The following PDIA6 variants were observed in gnomAD, a reference collection of about 807,000 sequenced individuals.
PDIA6 encodes protein disulfide isomerase family A member 6, also known as protein disulfide-isomerase A6.
Under a neutral mutation model 58.4 loss-of-function variants are expected in PDIA6, and 29 were observed. The ratio of observed to expected loss-of-function variants is 0.50; its 90% CI spans 0.37 to 0.68. PDIA6 has a LOEUF of 0.68. PDIA6 is among the 30% of genes least tolerant of loss of function. The pLI, the probability that PDIA6 is intolerant of heterozygous loss-of-function variation, is 0.00. For missense variants in PDIA6, 480 were observed against 551.0 expected, an observed-to-expected ratio of 0.87 and a Z score of 1.29; for synonymous variants, 192 against 202.6, an observed-to-expected ratio of 0.95 and a Z score of 0.44.
chr2:10,836,182 C>T (rs907462969), upstream of PDIA6, among the ~76,000 whole-genome samples: 4 of 152,138 alleles, frequency 2.6e-5, no homozygotes, highest in Non-Finnish European at 2.9e-5. Context: ...CCTACTTTTC[C>T]GAGGGTCTTT....
In PDIA6 at chr2:10,784,025, T is replaced by C. The variant is rs1665567650; in HGVS notation, c.*233A>G. On this transcript the variant is annotated 3_prime_UTR_variant, in exon 13 of 13. Coordinates refer to ENST00000272227, the MANE Select transcript of PDIA6 (RefSeq NM_005742.4). ...CAGCCAAGTTTTCTTCAAAATATTA[T>C]GTGACAGAATACGACTCAATTCACC... 4 of 353,510 alleles carry C rather than the reference T, an allele frequency of 1.1e-5. No individual in the cohort carries two copies. In the East Asian group the frequency reaches 1.7e-4, roughly 15 times the overall value. 21.9% of individuals were successfully genotyped at this position (353,510 alleles called of 1,614,324 possible). A position where few individuals can be genotyped will look rare whatever the true frequency, so the allele number is the denominator to read the frequency against.
At chr2:10,789,135 C>CT (rs1398408286) in intron 8 of PDIA6, among the ~76,000 whole-genome samples, 154 bp from the exon 9 acceptor site, 1 of 152,098 alleles carries the variant, frequency 6.6e-6, no homozygotes, top group Non-Finnish European at 1.5e-5. Context: ...GGCATGTTCT[C>CT]TAAGAGGAGA....
At chr2:10,800,171 T>G (rs1430009222) in intron 2 of PDIA6, among the ~76,000 whole-genome samples, 1 of 152,204 alleles carries the variant, frequency 6.6e-6, no homozygotes, top group African/African-American at 2.4e-5. Context: ...TGCCCATCAC[T>G]ATTCAGAATT....
chr2:10,828,106 C>T (rs541069883), intron 1 of PDIA6, among the ~76,000 whole-genome samples: 33 of 152,136 alleles, frequency 2.2e-4, no homozygotes, highest in African/African-American at 6.5e-4. Flanking sequence ...ACATTGACAC[C>T]TCATTATCCC....
chr2:10,806,622 T>TAAAGACAGAAAGACAGAAAG (rs1572683145), intron 1 of PDIA6, among the ~76,000 whole-genome samples: 8 of 48,690 alleles, frequency 1.6e-4, no homozygotes, highest in African/African-American at 4.3e-5. Context: ...TCCTAAAAAA[T>TAAAGACAGAAAGACAGAAAG]AAAGACAGAA....
upstream of PDIA6, among the ~76,000 whole-genome samples, chr2:10,817,423 C>T (rs1667230262): frequency 6.6e-6 from 1 of 152,166 alleles, no homozygotes; most frequent in Admixed American, 6.5e-5. Flanking sequence ...AAAGAACTGT[C>T]CCCAAGCACC....
At chr2:10,820,992 G>A (rs1362397330) in intron 1 of PDIA6, 3 of 631,762 alleles carry the variant, frequency 4.7e-6, no homozygotes, top group Non-Finnish European at 8.7e-6. Context: ...GCAGGTCGTT[G>A]GGCCCAGGAC....
intron 4 of PDIA6, among the ~76,000 whole-genome samples, chr2:10,795,988 T>C (rs1666248238): frequency 6.6e-6 from 1 of 152,252 alleles, no homozygotes. Flanking sequence ...CCCAATACTT[T>C]TACTAGCACT....
chr2:10,786,325 G>GGGA lies in PDIA6; in HGVS notation c.1157+955_1157+956insTCC, dbSNP rs11426589. Among the ~76,000 whole-genome samples, 1,117 of 151,206 alleles carry GGGA rather than the reference G, an allele frequency of 7.4e-3. 14 individuals are homozygous for GGGA. The highest frequency in any genetic ancestry group is 0.026 in the African/African-American group (1,072 of 40,982). ...AAGACTCTGTCTCGGGGGTGGGGGG[G>GGGA]AAAGAAAACACCCATTAACCATATT... On this transcript the variant is annotated intron_variant, in intron 11 of 12. Transcript: ENST00000272227.
Position 10,787,346 on chromosome 2 carries a change from T to G in PDIA6, c.1092A>C (p.Ala364=), listed in dbSNP as rs1665814680. 1 of 1,614,222 alleles carries G rather than the reference T, an allele frequency of 6.2e-7. No homozygotes were observed. The highest frequency in any genetic ancestry group is 8.5e-7 in the Non-Finnish European group (1 of 1,180,034). Residue 364 remains alanine, a synonymous_variant, in exon 11 of 13, where the codon GCA becomes GCC. Coordinates refer to ENST00000272227, the MANE Select transcript of PDIA6 (RefSeq NM_005742.4). ...TTAGCAGAGCAAATTTCATCTTGCG[T>G]GCATTGATGGCGGCCATGGCGGGGT... ...FGYPAMAAIN[A]RKMKFALLKG...
intron 4 of PDIA6, 42 bp from the exon 5 acceptor site, chr2:10,793,244 A>G (rs1460352443): frequency 2.2e-6 from 3 of 1,377,886 alleles, no homozygotes; most frequent in Non-Finnish European, 2.1e-6. Context: ...CCCGGCCTTC[A>G]GCAAGTGCCT....
chr2:10,812,931 G>T (rs985762474), upstream of PDIA6: 2 of 914,318 alleles, frequency 2.2e-6, no homozygotes, highest in African/African-American at 3.6e-5. Flanking sequence ...GAGGTTACCG[G>T]TTTGGTTTTT....
intron 2 of PDIA6, 92 bp from the exon 3 acceptor site, chr2:10,797,849 G>A (rs948737298): frequency 1.9e-5 from 19 of 1,006,738 alleles, no homozygotes; most frequent in East Asian, 2.4e-5. Flanking sequence ...CCCATCAATG[G>A]TCTATTGAAT....
At chr2:10,795,101 C>T (rs571978075) in intron 4 of PDIA6, among the ~76,000 whole-genome samples, 11 of 152,254 alleles carry the variant, frequency 7.2e-5, no homozygotes, top group Non-Finnish European at 1.3e-4. Flanking sequence ...CAGGTATTTC[C>T]GTCATCTGAA....
chr2:10,813,277 G>T (rs1175354341), upstream of PDIA6, among the ~76,000 whole-genome samples: 1 of 152,192 alleles, frequency 6.6e-6, no homozygotes, highest in East Asian at 1.9e-4. Context: ...AATGTAATTC[G>T]ACAAGTTTCT....
Position 10,797,761 on chromosome 2 carries a change from T to C in PDIA6, c.162-4A>G. On this transcript the variant is annotated splice_polypyrimidine_tract_variant and splice_region_variant and intron_variant, in intron 2 of 12. Coordinates refer to ENST00000272227, the MANE Select transcript of PDIA6 (RefSeq NM_005742.4). ...TAATCTTTGACAGTGACCACACCTT[T>C]TGGGGGAAGACAACACAAAGCAACC... 2 of 1,608,788 alleles carry C rather than the reference T, an allele frequency of 1.2e-6. No individual in the cohort carries two copies. The highest frequency in any genetic ancestry group is 1.1e-5 in the South Asian group (1 of 90,008).
intron 10 of PDIA6, 33 bp from the exon 11 acceptor site, chr2:10,787,472 T>C: frequency 6.3e-7 from 1 of 1,589,264 alleles, no homozygotes; most frequent in Non-Finnish European, 8.6e-7. Flanking sequence ...AGGGCAAATA[T>C]GTCTTTTAAA....
At chr2:10,810,445 G>A (rs1319493037) in intron 1 of PDIA6, 19 of 1,365,160 alleles carry the variant, frequency 1.4e-5, no homozygotes, top group Non-Finnish European at 1.6e-5. Context: ...ACAGACCAGG[G>A]TTTTTCACCT....
chr2:10,786,128 G>T (rs181973835), intron 11 of PDIA6, among the ~76,000 whole-genome samples: 1 of 152,072 alleles, frequency 6.6e-6, no homozygotes, highest in Admixed American at 6.5e-5. Context: ...TTTGAGACCC[G>T]CCTGGCCAAC....
Sources: allele counts gnomAD v4.1 joint callset (sites outside exome capture counted in the v4.1 genomes callset), GRCh38; gene constraint gnomAD v4.1.1; transcripts MANE v1.5; gene names NCBI Gene and HGNC (gene_info 2026-07-23, HGNC 2026-07-21).